KCNH7: variants seen among roughly 807,000 people sequenced by gnomAD.
The protein encoded by KCNH7 is potassium voltage-gated channel subfamily H member 7, also known as voltage-gated inwardly rectifying potassium channel KCNH7.
In KCNH7, 49 loss-of-function variants were observed where a neutral mutation model predicts 120.8. The observed-to-expected ratio is 0.41, with a 90% CI of 0.32 to 0.51. The LOEUF is 0.51. Ranked by LOEUF, KCNH7 falls within the 20% of genes least tolerant of loss-of-function variation. The probability of loss-of-function intolerance (pLI) is 0.38; values close to 1 mark genes in which losing one functional copy is unlikely to be tolerated. For missense variants in KCNH7, 1,097 were observed against 1,446.6 expected (o/e 0.76, Z 3.92); for synonymous variants, 547 against 516.1 (o/e 1.06, Z -0.81).
intron 2 of KCNH7, among the ~76,000 whole-genome samples, chr2:162,569,094 A>G (rs1346929132): frequency 1.3e-5 from 2 of 152,098 alleles, no homozygotes; most frequent in Non-Finnish European, 2.9e-5. Flanking sequence ...GAATAGTTTC[A>G]GAAGGAATGG....
intron 9 of KCNH7, 72 bp downstream of exon 9, chr2:162,423,264 C>A (rs148074249): frequency 6.2e-7 from 1 of 1,608,742 alleles, no homozygotes; most frequent in East Asian, 2.2e-5. Context: ...CTGGTGATTC[C>A]GGCTTTTATT....
At chr2:162,559,493 T>C (rs1692985649) in intron 2 of KCNH7, among the ~76,000 whole-genome samples, 1 of 152,144 alleles carries the variant, frequency 6.6e-6, no homozygotes. Context: ...TGCAAAACAG[T>C]TTTATTTTAG....
At chr2:162,807,299 T>C (rs983908504) in intron 2 of KCNH7, among the ~76,000 whole-genome samples, 7 of 139,424 alleles carry the variant, frequency 5.0e-5, no homozygotes, top group Non-Finnish European at 7.6e-5. Flanking sequence ...TAGCCAGGTG[T>C]GGTGCTGTGC....
intron 2 of KCNH7, among the ~76,000 whole-genome samples, chr2:162,609,256 C>T (rs1372725690): frequency 6.6e-6 from 1 of 152,100 alleles, no homozygotes; most frequent in African/African-American, 2.4e-5. Context: ...ACTAACAGTT[C>T]CTTTATCATA....
chr2:162,826,111 C>T (rs564157305), intron 2 of KCNH7, among the ~76,000 whole-genome samples: 119 of 152,126 alleles, frequency 7.8e-4, no homozygotes, highest in South Asian at 6.2e-4. Context: ...ACAGGCCTTA[C>T]AATCTCAACC....
chr2:162,698,507 T>G (rs1032066698), intron 2 of KCNH7, among the ~76,000 whole-genome samples: 15 of 152,064 alleles, frequency 9.9e-5, no homozygotes, highest in African/African-American at 3.6e-4. Flanking sequence ...AAAAGGTTTG[T>G]ATTTCACATA....
intron 6 of KCNH7, among the ~76,000 whole-genome samples, chr2:162,492,873 T>TTC (rs1690361970): frequency 9.4e-6 from 1 of 105,846 alleles, no homozygotes; most frequent in African/African-American, 4.2e-5. Context: ...TTGTTTTTTT[T>TTC]TTTTTTTTTT....
intron 2 of KCNH7, among the ~76,000 whole-genome samples, chr2:162,573,104 A>T (rs1311158599): frequency 6.6e-6 from 1 of 152,102 alleles, no homozygotes; most frequent in Non-Finnish European, 1.5e-5. Context: ...AATAATTTTT[A>T]TACTTGATCT....
At chr2:162,575,992 C>A (rs1326157595) in intron 2 of KCNH7, among the ~76,000 whole-genome samples, 2 of 151,994 alleles carry the variant, frequency 1.3e-5, no homozygotes, top group East Asian at 3.9e-4. Flanking sequence ...TTTCCATATA[C>A]AACTTTGAGA....
chr2:162,598,677 A>C (rs961651381), intron 2 of KCNH7, among the ~76,000 whole-genome samples: 1 of 152,144 alleles, frequency 6.6e-6, no homozygotes, highest in Non-Finnish European at 1.5e-5. Context: ...TGTTACATTG[A>C]ATATGCCAAA....
At chr2:162,415,110 C>G (rs1238936457) in intron 9 of KCNH7, among the ~76,000 whole-genome samples, 1 of 151,714 alleles carries the variant, frequency 6.6e-6, no homozygotes, top group Non-Finnish European at 1.5e-5. Flanking sequence ...TGACAAACAA[C>G]TTTTCTAATT....
At chr2:162,766,597 C>T (rs1479323958) in intron 2 of KCNH7, among the ~76,000 whole-genome samples, 1 of 152,072 alleles carries the variant, frequency 6.6e-6, no homozygotes, top group Non-Finnish European at 1.5e-5. Flanking sequence ...TTTTAGTCGT[C>T]GTTTTTCTTT....
chr2:162,595,071 C>T (rs998003689), intron 2 of KCNH7, among the ~76,000 whole-genome samples: 3 of 152,050 alleles, frequency 2.0e-5, no homozygotes, highest in African/African-American at 7.2e-5. Flanking sequence ...GTTTTATTGA[C>T]TCATATAATC....
In KCNH7 at chr2:162,517,761, C is replaced by T. The variant is rs1170593471; in HGVS notation, c.861G>A (p.Lys287=). 1 of 1,583,026 alleles carries T rather than the reference C, an allele frequency of 6.3e-7. No homozygotes were observed. The highest frequency in any genetic ancestry group is 1.7e-5 in the Admixed American group (1 of 59,086). Reference sequence around the variant, plus strand: ...TGGCATGTCGGTCTCTAAATATGTTCTTGGGGTGGACGCCGAATCCTTCTA... The same window carrying T: ...TGGCATGTCGGTCTCTAAATATGTTTTTGGGGTGGACGCCGAATCCTTCTA... ...HDIEGFGVHP[K]NIFRDRHASE... The change falls in exon 4 of 16, where the codon AAG becomes AAA. Residue 287 remains lysine (K), a synonymous_variant. Coordinates refer to ENST00000332142, the MANE Select transcript of KCNH7 (RefSeq NM_033272.4).
At position 162,371,772 on chromosome 2, in the gene KCNH7, A is replaced by C; in HGVS notation, c.*57T>G. ...AAGTAGAGAGGATTTAAATAGAAAA[A>C]GGAAAACAGCCATTAAAAGCACTTA... On this transcript the variant is annotated 3_prime_UTR_variant, in exon 16 of 16. Transcript: ENST00000332142. The C allele has an allele frequency of 1.3e-6, 2 of 1,484,558 alleles. No homozygotes were observed. The highest frequency in any genetic ancestry group is 1.8e-6 in the Non-Finnish European group (2 of 1,084,980). 92.0% of individuals were successfully genotyped at this position (1,484,558 alleles called of 1,614,324 possible).
intron 6 of KCNH7, among the ~76,000 whole-genome samples, chr2:162,490,401 A>T (rs764835568): frequency 6.6e-6 from 1 of 152,204 alleles, no homozygotes; most frequent in Admixed American, 6.5e-5. Context: ...CTTTCACTTA[A>T]TAAATTCTAC....
At chr2:162,414,144 A>G (rs1293459603) in intron 9 of KCNH7, among the ~76,000 whole-genome samples, 1 of 152,014 alleles carries the variant, frequency 6.6e-6, no homozygotes, top group Admixed American at 6.6e-5. Flanking sequence ...GGGAAGGGGG[A>G]AAAGTACCAA....
intron 2 of KCNH7, among the ~76,000 whole-genome samples, chr2:162,744,739 A>AT (rs1688257346): frequency 1.3e-5 from 2 of 151,824 alleles, no homozygotes; most frequent in Non-Finnish European, 1.5e-5. Flanking sequence ...CGCCTGGCTA[A>AT]TTTTTTGTAT....
intron 4 of KCNH7, among the ~76,000 whole-genome samples, chr2:162,516,262 T>G (rs752135426): frequency 1.3e-5 from 2 of 151,768 alleles, no homozygotes; most frequent in Non-Finnish European, 2.9e-5. Context: ...AAATATAAAA[T>G]GCAATCCATG....
Sources: allele counts gnomAD v4.1 joint callset (sites outside exome capture counted in the v4.1 genomes callset), GRCh38; gene constraint gnomAD v4.1.1; transcripts MANE v1.5; gene names NCBI Gene and HGNC (gene_info 2026-07-23, HGNC 2026-07-21).